The following ADIG variants were observed in gnomAD, a reference collection of about 807,000 sequenced individuals.
ADIG encodes the protein adipogenin, also known as adipogenesis associated.
Under a neutral mutation model 10.7 loss-of-function variants are expected in ADIG, and 12 were observed. The ratio of observed to expected loss-of-function variants is 1.12; its 90% CI spans 0.72 to 1.82. The LOEUF (loss-of-function observed/expected upper bound fraction) is 1.82, where lower values mean the gene tolerates loss of function less well. Ranked by LOEUF, ADIG falls within the 40% of genes most tolerant of loss-of-function variation. The probability of loss-of-function intolerance (pLI) is 0.00; values close to 1 mark genes in which losing one functional copy is unlikely to be tolerated. For missense variants in ADIG, 72 were observed against 92.5 expected (o/e 0.78, Z 0.91); for synonymous variants, 32 against 35.6 (o/e 0.90, Z 0.36).
At chr20:38,582,777 C>G (rs891395536) in intron 1 of ADIG, among the ~76,000 whole-genome samples, 1 of 152,030 alleles carries the variant, frequency 6.6e-6, no homozygotes, top group Non-Finnish European at 1.5e-5. Context: ...AGTTGTCTCT[C>G]TGGAGTCTGG....
chr20:38,586,251 A>G (rs1215107995), intron 2 of ADIG, 90 bp downstream of exon 2: 6 of 996,466 alleles, frequency 6.0e-6, no homozygotes, highest in African/African-American at 1.6e-5. Flanking sequence ...CCTCCACCAT[A>G]TTAGAGGTAT....
At chr20:38,582,452 A>T (rs937955917) in intron 1 of ADIG, among the ~76,000 whole-genome samples, 2 of 152,142 alleles carry the variant, frequency 1.3e-5, no homozygotes, top group African/African-American at 4.8e-5. Context: ...GAGTGCCATG[A>T]CCTTTGGCAA....
Position 38,581,230 on chromosome 20 carries a change from C to T in ADIG, c.-21C>T, listed in dbSNP as rs1209446615. ...CCTGCCAGCCCAGCCCAGGCTGGCC[C>T]AGCTTAGCCACACATGCGCCATGAA... On this transcript the variant is annotated 5_prime_UTR_variant, in exon 1 of 3. Coordinates refer to ENST00000537425, the MANE Select transcript of ADIG (RefSeq NM_001393816.1). 1 of 1,595,782 alleles carries T rather than the reference C, an allele frequency of 6.3e-7. No individual in the cohort carries two copies. The highest frequency in any genetic ancestry group is 8.5e-7 in the Non-Finnish European group (1 of 1,170,658).
intron 1 of ADIG, among the ~76,000 whole-genome samples, chr20:38,584,075 C>A (rs1278227200): frequency 6.6e-6 from 1 of 151,162 alleles, no homozygotes; most frequent in African/African-American, 2.4e-5. Context: ...TCTGCCGCCT[C>A]CTCCCCACCA....
chr20:38,585,688 C>T lies in ADIG; in HGVS notation c.125-341C>T. On this transcript the variant is annotated intron_variant, in intron 1 of 2. Coordinates refer to ENST00000537425, the MANE Select transcript of ADIG (RefSeq NM_001393816.1). ...ACTCAGATGTTTGTTAATGAATGAACTAGTGGACTAGTGGCCTGGATGGGT... is the reference window on the plus strand; with the variant it reads ...ACTCAGATGTTTGTTAATGAATGAATTAGTGGACTAGTGGCCTGGATGGGT... 3 of 709,914 alleles carry T rather than the reference C, an allele frequency of 4.2e-6. No homozygotes were observed. In the South Asian group the frequency reaches 5.6e-5, roughly 13 times the overall value. 44.0% of individuals were successfully genotyped at this position (709,914 alleles called of 1,614,324 possible). A position where few individuals can be genotyped will look rare whatever the true frequency, so the allele number is the denominator to read the frequency against.
chr20:38,585,816 G>A (rs1406025492), intron 1 of ADIG: 21 of 614,042 alleles, frequency 3.4e-5, no homozygotes, highest in Non-Finnish European at 6.0e-5. Context: ...CATTTTCCAA[G>A]TCACAGGAGC....
chr20:38,581,675 T>C (rs1486374101), intron 1 of ADIG, among the ~76,000 whole-genome samples: 1 of 151,964 alleles, frequency 6.6e-6, no homozygotes, highest in East Asian at 1.9e-4. Flanking sequence ...TCGAGAGTGA[T>C]CTTTTGAACA....
chr20:38,586,215 G>A, intron 2 of ADIG, 54 bp downstream of exon 2: 1 of 1,455,428 alleles, frequency 6.9e-7, no homozygotes, highest in Non-Finnish European at 9.4e-7. Flanking sequence ...AAAGCCTTGG[G>A]CAGCTGCTAT....
intron 1 of ADIG, among the ~76,000 whole-genome samples, chr20:38,583,461 G>C (rs1285760711): frequency 1.3e-5 from 2 of 152,240 alleles, no homozygotes; most frequent in Non-Finnish European, 2.9e-5. Context: ...CCTTGGGGTT[G>C]TGACAGGCTT....
At position 38,588,343 on chromosome 20, in the gene ADIG, A is replaced by G. The variant is rs1425110227; in HGVS notation, c.*257A>G. 1.4e-5 allele frequency: 18 copies of G among 1,301,458 alleles called. No homozygotes were observed. The Admixed American group carries it at 3.9e-4, about 28-fold the overall frequency. 80.6% of individuals were successfully genotyped at this position (1,301,458 alleles called of 1,614,324 possible). Reference sequence around the variant, plus strand: ...GGGCATGGGAGCAGTGAGCAGGCCCATGGGGAGAAATTGGCCAATTTAATT... The same window carrying G: ...GGGCATGGGAGCAGTGAGCAGGCCCGTGGGGAGAAATTGGCCAATTTAATT... On this transcript the variant is annotated 3_prime_UTR_variant, in exon 3 of 3. Transcript: ENST00000537425.
At chr20:38,581,504 A>G (rs1313458433) in intron 1 of ADIG, 130 bp downstream of exon 1, 3 of 1,346,156 alleles carry the variant, frequency 2.2e-6, no homozygotes, top group Non-Finnish European at 3.1e-6. Context: ...GCTTAGATAC[A>G]AGCAGTCAAC....
chr20:38,585,885 AAGGCTGGCTCAT>A, intron 1 of ADIG, 132 bp from the exon 2 acceptor site: 3 of 787,500 alleles, frequency 3.8e-6, no homozygotes, highest in Admixed American at 5.4e-5. Context: ...CTGAGGCCTC[AAGGCTGGCTCAT>A]AGGATTCTGC....
At chr20:38,585,833 C>T in intron 1 of ADIG, 196 bp from the exon 2 acceptor site, 1 of 626,990 alleles carries the variant, frequency 1.6e-6, no homozygotes, top group Non-Finnish European at 2.8e-6. Flanking sequence ...GAGCAGCCTT[C>T]TTTCTTGGTC....
At chr20:38,582,967 G>A (rs765193095) in intron 1 of ADIG, among the ~76,000 whole-genome samples, 4 of 152,040 alleles carry the variant, frequency 2.6e-5, no homozygotes, top group Non-Finnish European at 5.9e-5. Flanking sequence ...ACAGGTGCCC[G>A]CCATCACACC....
At chr20:38,583,352 C>T (rs2088605109) in intron 1 of ADIG, among the ~76,000 whole-genome samples, 1 of 152,228 alleles carries the variant, frequency 6.6e-6, no homozygotes, top group Admixed American at 6.5e-5. Context: ...TGTCTGCCTT[C>T]AAATCCTGAC....
intron 1 of ADIG, among the ~76,000 whole-genome samples, chr20:38,584,935 G>A (rs988745967): frequency 1.5e-4 from 23 of 152,246 alleles, no homozygotes; most frequent in East Asian, 5.8e-4. Context: ...GCACCACCAC[G>A]CCCAGCTAAT....
rs2088653054 is a variant in ADIG at position 38,588,120 on chromosome 20, G to T, written c.*34G>T. 7.7e-7 allele frequency: 1 copy of T among 1,303,940 alleles called. No individual in the cohort carries two copies. Among genetic ancestry groups the T allele is most frequent in the Non-Finnish European group, 1.0e-6 (1 of 988,304 alleles). The allele number at this position is 1,303,940 out of a possible 1,614,324, so 80.8% of individuals were successfully genotyped here. On this transcript the variant is annotated 3_prime_UTR_variant, in exon 3 of 3. Transcript: ENST00000537425. The stretch of plus-strand genomic sequence containing the variant: ...TTCTAGTTTGGTTTTCCTGGAGTCA[G>T]CAGGGCAGTGGCAATGGCAGAAGTG...
At chr20:38,586,389 G>T (rs769486181) in intron 2 of ADIG, 5 of 504,952 alleles carry the variant, frequency 9.9e-6, no homozygotes, top group South Asian at 2.2e-5. Context: ...CTTTACAAAG[G>T]TCCCCTACCC....
Position 38,588,439 on chromosome 20 carries a change from A to G in ADIG, c.*353A>G. 1 of 1,210,108 alleles carries G rather than the reference A, an allele frequency of 8.3e-7. No individual in the cohort carries two copies. Among genetic ancestry groups the G allele is most frequent in the Non-Finnish European group, 1.1e-6 (1 of 944,584 alleles). The allele number at this position is 1,210,108 out of a possible 1,614,324, so 75.0% of individuals were successfully genotyped here. A position where few individuals can be genotyped will look rare whatever the true frequency, so the allele number is the denominator to read the frequency against. Reference sequence around the variant, plus strand: ...ATTAAAGAAGCAAGGGTCTTCCCATACCCGGGGGACCCCTGACAAACCTAC... The same window carrying G: ...ATTAAAGAAGCAAGGGTCTTCCCATGCCCGGGGGACCCCTGACAAACCTAC... On this transcript the variant is annotated 3_prime_UTR_variant, in exon 3 of 3. Transcript: ENST00000537425.
Sources: gnomAD v4.1 joint callset for allele counts (sites outside exome capture counted in the v4.1 genomes callset) on GRCh38, gnomAD v4.1.1 for gene constraint, MANE v1.5 for transcripts, NCBI Gene and HGNC (gene_info 2026-07-23, HGNC 2026-07-21) for gene names.